Variants in GRID2 observed in about 807,000 individuals in gnomAD.
GRID2 encodes glutamate ionotropic receptor delta type subunit 2.
GRID2 carries 33 observed loss-of-function variants against 114.8 expected under a neutral mutation model. The ratio of observed to expected loss-of-function variants is 0.29; its 90% CI spans 0.22 to 0.38. The LOEUF (loss-of-function observed/expected upper bound fraction) is 0.38. Among genes scored for constraint, GRID2 ranks in the 10% least tolerant of loss-of-function variants. The pLI is 1.00. For synonymous variants in GRID2, 505 were observed against 449.9 expected (o/e 1.12, Z -1.55); for missense variants, 1,184 against 1,257.7 (o/e 0.94, Z 0.89).
chr4:92,975,944 A>G (rs1452796724), intron 2 of GRID2, among the ~76,000 whole-genome samples: 2 of 152,088 alleles, frequency 1.3e-5, no homozygotes, highest in African/African-American at 4.8e-5. Context: ...ACACAGACAC[A>G]TATACATATA....
Position 93,216,858 on chromosome 4 carries a change from C to A in GRID2, c.910C>A (p.Arg304=). ...TCAGCGGTGTTTCCGTGGCAACCAT[C>A]GAATATCTTCAACATTGTGTGATCC... ...ISQRCFRGNH[R]ISSTLCDPKD... The change falls in exon 6 of 16, where the codon CGA becomes AGA. Residue 304 remains arginine (R), a synonymous_variant. Coordinates refer to ENST00000282020, the MANE Select transcript of GRID2 (RefSeq NM_001510.4). 1 of 1,612,876 alleles carries A rather than the reference C, an allele frequency of 6.2e-7. No individual in the cohort carries two copies. The highest frequency in any genetic ancestry group is 1.1e-5 in the South Asian group (1 of 91,052).
chr4:93,068,129 A>T (rs1327344836), intron 2 of GRID2, among the ~76,000 whole-genome samples: 2 of 152,076 alleles, frequency 1.3e-5, no homozygotes, highest in Non-Finnish European at 2.9e-5. Flanking sequence ...CAATAACTCC[A>T]AATAAATTCA....
At chr4:92,877,985 T>G (rs1182584514) in intron 2 of GRID2, among the ~76,000 whole-genome samples, 1 of 152,124 alleles carries the variant, frequency 6.6e-6, no homozygotes, top group Non-Finnish European at 1.5e-5. Context: ...TTCTAAACAT[T>G]TCAATAGCTT....
At chr4:93,728,169 G>A (rs1730121709) in intron 14 of GRID2, among the ~76,000 whole-genome samples, 1 of 152,160 alleles carries the variant, frequency 6.6e-6, no homozygotes, top group Admixed American at 6.5e-5. Context: ...GTGTCCCAGA[G>A]ATTCTGGTAT....
chr4:92,392,283 G>C (rs949631856), intron 1 of GRID2, among the ~76,000 whole-genome samples: 1 of 151,822 alleles, frequency 6.6e-6, no homozygotes, highest in Non-Finnish European at 1.5e-5. Context: ...GGCTGGGCGC[G>C]GTGGCCTGTA....
At chr4:92,484,417 G>A (rs1010231527) in intron 1 of GRID2, among the ~76,000 whole-genome samples, 1 of 152,066 alleles carries the variant, frequency 6.6e-6, no homozygotes, top group African/African-American at 2.4e-5. Context: ...TATACTGTAT[G>A]TAAGCAGGAA....
chr4:93,154,115 T>C (rs1010803494), intron 4 of GRID2, among the ~76,000 whole-genome samples: 1 of 152,054 alleles, frequency 6.6e-6, no homozygotes, highest in Non-Finnish European at 1.5e-5. Flanking sequence ...CTGATTAGGG[T>C]ACAAGTTTTA....
At chr4:93,427,783 G>C (rs1768999758) in intron 10 of GRID2, among the ~76,000 whole-genome samples, 1 of 152,002 alleles carries the variant, frequency 6.6e-6, no homozygotes, top group Admixed American at 6.6e-5. Context: ...GTCTCCTCAA[G>C]TCCTTCTCTG....
At chr4:92,640,885 A>G (rs922247987) in intron 2 of GRID2, among the ~76,000 whole-genome samples, 8 of 151,918 alleles carry the variant, frequency 5.3e-5, no homozygotes, top group African/African-American at 1.9e-4. Flanking sequence ...ATTACATGAT[A>G]CATTTTATTT....
chr4:92,747,414 T>C (rs1737205626), intron 2 of GRID2, among the ~76,000 whole-genome samples: 2 of 152,074 alleles, frequency 1.3e-5, no homozygotes, highest in African/African-American at 4.8e-5. Context: ...GCATTTGCCT[T>C]AAATTTCAGA....
At chr4:93,725,105 G>A (rs1729731664) in intron 14 of GRID2, among the ~76,000 whole-genome samples, 1 of 151,944 alleles carries the variant, frequency 6.6e-6, no homozygotes, top group Admixed American at 6.6e-5. Flanking sequence ...TTTACATTAG[G>A]TATATCTCCT....
chr4:93,122,293 T>C (rs1486565131), intron 4 of GRID2, among the ~76,000 whole-genome samples: 1 of 152,154 alleles, frequency 6.6e-6, no homozygotes, highest in Non-Finnish European at 1.5e-5. Flanking sequence ...AAAGATACAT[T>C]TTATTTTCCA....
chr4:93,211,882 A>G (rs567228867), intron 5 of GRID2, among the ~76,000 whole-genome samples: 3 of 152,250 alleles, frequency 2.0e-5, no homozygotes, highest in East Asian at 1.9e-4. Context: ...ATCCAAAATC[A>G]ACACTCTTAC....
chr4:92,777,531 G>T (rs1251797640), intron 2 of GRID2, among the ~76,000 whole-genome samples: 1 of 151,906 alleles, frequency 6.6e-6, no homozygotes, highest in Non-Finnish European at 1.5e-5. Flanking sequence ...TTGATGCATC[G>T]CTTCTTAAAC....
intron 4 of GRID2, among the ~76,000 whole-genome samples, chr4:93,166,532 C>T (rs1331137672): frequency 2.0e-5 from 3 of 152,172 alleles, no homozygotes; most frequent in Non-Finnish European, 2.9e-5. Context: ...GTAAACATAA[C>T]CCTGTATCGG....
intron 8 of GRID2, chr4:93,302,685 G>T: frequency 2.3e-6 from 1 of 433,198 alleles, no homozygotes; most frequent in Non-Finnish European, 4.6e-6. Context: ...AGTTTCATAG[G>T]CTACTTTATT....
chr4:92,657,961 T>C (rs935457579), intron 2 of GRID2, among the ~76,000 whole-genome samples: 3 of 146,012 alleles, frequency 2.1e-5, no homozygotes, highest in Non-Finnish European at 4.5e-5. Context: ...AGACACAATT[T>C]CTGTAAATTT....
intron 8 of GRID2, among the ~76,000 whole-genome samples, chr4:93,388,611 C>T (rs1023037329): frequency 6.6e-6 from 1 of 152,148 alleles, no homozygotes; most frequent in African/African-American, 2.4e-5. Flanking sequence ...CATGCAAATT[C>T]TGGTAGGCCA....
chr4:92,472,417 A>G (rs1048700753), intron 1 of GRID2, among the ~76,000 whole-genome samples: 1 of 152,132 alleles, frequency 6.6e-6, no homozygotes, highest in Non-Finnish European at 1.5e-5. Context: ...GTATAGGAAC[A>G]TATGTTTTGA....
Sources: allele counts gnomAD v4.1 joint callset (sites outside exome capture counted in the v4.1 genomes callset), GRCh38; gene constraint gnomAD v4.1.1; transcripts MANE v1.5; gene names NCBI Gene and HGNC (gene_info 2026-07-23, HGNC 2026-07-21).